The following LEKR1 variants were observed in gnomAD, a reference collection of about 807,000 sequenced individuals.
The protein encoded by LEKR1 is leucine, glutamate and lysine rich 1, also known as protein LEKR1.
LEKR1 carries 59 observed loss-of-function variants against 72.4 expected under a neutral mutation model. The observed-to-expected ratio is 0.82, with a 90% confidence interval of 0.66 to 1.01. The LOEUF is 1.01. LEKR1 is among the 50% of genes least tolerant of loss of function. The pLI, the probability that LEKR1 is intolerant of heterozygous loss-of-function variation, is 0.00. For synonymous variants in LEKR1, 257 were observed against 263.2 expected, an observed-to-expected ratio of 0.98 and a Z score of 0.23; for missense variants, 728 against 759.2, an observed-to-expected ratio of 0.96 and a Z score of 0.48.
intron 2 of LEKR1, among the ~76,000 whole-genome samples, chr3:156,833,106 T>C (rs1423869072): frequency 1.3e-5 from 2 of 152,214 alleles, no homozygotes; most frequent in African/African-American, 2.4e-5. Flanking sequence ...AAAGTTGTTA[T>C]GTGTTTTGAC....
At chr3:156,847,545 A>G (rs928374550) in intron 2 of LEKR1, among the ~76,000 whole-genome samples, 3 of 152,226 alleles carry the variant, frequency 2.0e-5, no homozygotes, top group African/African-American at 7.2e-5. Context: ...TGGGAACATA[A>G]TTACAGTATT....
intron 10 of LEKR1, among the ~76,000 whole-genome samples, chr3:157,021,464 T>G (rs1733832173): frequency 6.6e-6 from 1 of 152,194 alleles, no homozygotes; most frequent in Non-Finnish European, 1.5e-5. Context: ...GTATAAGGTG[T>G]AAGGAAGGGA....
chr3:156,955,853 T>A (rs1727581477), intron 6 of LEKR1, among the ~76,000 whole-genome samples: 1 of 151,768 alleles, frequency 6.6e-6, no homozygotes, highest in African/African-American at 2.4e-5. Context: ...CTGCCAGGTT[T>A]GGCTATTAGG....
At chr3:156,944,522 A>G (rs1726512015) in intron 6 of LEKR1, among the ~76,000 whole-genome samples, 1 of 151,578 alleles carries the variant, frequency 6.6e-6, no homozygotes, top group Non-Finnish European at 1.5e-5. Flanking sequence ...CTAACCATAT[A>G]TTTGTACCCA....
At chr3:157,011,899 G>A (rs1200245976) in intron 10 of LEKR1, among the ~76,000 whole-genome samples, 2 of 151,818 alleles carry the variant, frequency 1.3e-5, no homozygotes, top group South Asian at 2.1e-4. Flanking sequence ...AAATGTTTTA[G>A]AATTATTTGG....
chr3:156,970,756 A>G (rs1193454261), intron 6 of LEKR1, among the ~76,000 whole-genome samples: 2 of 152,172 alleles, frequency 1.3e-5, no homozygotes, highest in Admixed American at 6.5e-5. Context: ...CAAAGAGAAT[A>G]AAATACCTAG....
intron 2 of LEKR1, among the ~76,000 whole-genome samples, chr3:156,838,289 G>C (rs1242653902): frequency 1.3e-5 from 2 of 152,138 alleles, no homozygotes; most frequent in Non-Finnish European, 2.9e-5. Flanking sequence ...CAGTCTCCTG[G>C]GCTTTCATCA....
chr3:156,888,364 G>T lies in LEKR1; in HGVS notation c.264-32211G>T, dbSNP rs990984007. ...TTGCCAGCTGAAAGAACGAATGCCA[G>T]ATCTACAACATTCTGTCACTGAGCC... On this transcript the variant is annotated intron_variant, in intron 3 of 12. Coordinates refer to ENST00000356539, the MANE Select transcript of LEKR1 (RefSeq NM_001004316.3). The T allele has an allele frequency of 4.3e-6, 3 of 702,202 alleles. No homozygotes were observed. In the African/African-American group the frequency reaches 5.2e-5, roughly 12 times the overall value. The allele number at this position is 702,202 out of a possible 1,614,324, so 43.5% of individuals were successfully genotyped here.
chr3:156,937,076 A>G (rs1473186346), intron 5 of LEKR1, among the ~76,000 whole-genome samples: 1 of 152,090 alleles, frequency 6.6e-6, no homozygotes, highest in East Asian at 1.9e-4. Context: ...CAGGAGTTTG[A>G]GGCTGCTGTG....
intron 6 of LEKR1, among the ~76,000 whole-genome samples, chr3:156,955,318 C>G (rs1424055084): frequency 1.3e-5 from 2 of 151,886 alleles, no homozygotes; most frequent in African/African-American, 4.8e-5. Flanking sequence ...TCTTATTTTC[C>G]TATTTGGATA....
At chr3:156,888,663 C>G (rs141521136) in intron 3 of LEKR1, among the ~76,000 whole-genome samples, 166 of 152,268 alleles carry the variant, frequency 1.1e-3, no homozygotes, top group Non-Finnish European at 1.2e-3. Context: ...TTTCTCTAAC[C>G]TTTTGCGTTT....
chr3:157,007,212 T>TAATA (rs1553827958), intron 9 of LEKR1, among the ~76,000 whole-genome samples: 7 of 151,584 alleles, frequency 4.6e-5, no homozygotes, highest in South Asian at 2.1e-4. Context: ...AAAATAATAA[T>TAATA]AATAAATAAA....
chr3:156,984,773 T>TTACATTTTAA lies in LEKR1; in HGVS notation c.827+5500_827+5509dup, dbSNP rs1730533364. Among the ~76,000 whole-genome samples, 3 of 152,044 alleles carry TTACATTTTAA rather than the reference T, an allele frequency of 2.0e-5. No homozygotes were observed. The East Asian group carries it at 5.8e-4, about 29-fold the overall frequency. ...TTTTCTAAGCAAGCTAACACAGGAC[T>TTACATTTTAA]TACATTTTAATTTCATTAACAGTCA... On this transcript the variant is annotated intron_variant, in intron 7 of 12. Transcript: ENST00000356539.
In LEKR1 at chr3:157,010,879, C is replaced by T. The variant is rs571784972; in HGVS notation, c.1110-534C>T. Among the ~76,000 whole-genome samples the T allele has an allele frequency of 5.3e-5, 8 of 152,046 alleles. No individual in the cohort carries two copies. In the South Asian group the frequency reaches 8.3e-4, roughly 16 times the overall value. On this transcript the variant is annotated intron_variant, in intron 9 of 12. Coordinates refer to ENST00000356539, the MANE Select transcript of LEKR1 (RefSeq NM_001004316.3). The stretch of plus-strand genomic sequence containing the variant: ...TATGTTTTATGCTATATTGCATCCC[C>T]GACATCACACATCTCTCTACTTAAT...
chr3:157,023,557 A>G (rs549275538), intron 10 of LEKR1, among the ~76,000 whole-genome samples: 5 of 152,078 alleles, frequency 3.3e-5, no homozygotes, highest in Non-Finnish European at 5.9e-5. Flanking sequence ...CTCTCCACTG[A>G]CTGTTAAATT....
At chr3:156,968,507 C>G (rs1244471603) in intron 6 of LEKR1, among the ~76,000 whole-genome samples, 1 of 152,132 alleles carries the variant, frequency 6.6e-6, no homozygotes, top group Non-Finnish European at 1.5e-5. Flanking sequence ...TTTAAACCAA[C>G]AAAGATCAAA....
intron 5 of LEKR1, among the ~76,000 whole-genome samples, chr3:156,941,173 T>C (rs1200178033): frequency 6.6e-6 from 1 of 152,112 alleles, no homozygotes; most frequent in African/African-American, 2.4e-5. Context: ...ATCATTAGAC[T>C]ATATTAGAAT....
intron 6 of LEKR1, among the ~76,000 whole-genome samples, chr3:156,969,287 G>A (rs1040519427): frequency 6.6e-6 from 1 of 152,128 alleles, no homozygotes; most frequent in African/African-American, 2.4e-5. Flanking sequence ...AGAACTGAAG[G>A]AAGTAGAGAC....
intron 10 of LEKR1, among the ~76,000 whole-genome samples, chr3:157,014,393 G>A (rs1733142563): frequency 6.6e-6 from 1 of 152,054 alleles, no homozygotes; most frequent in Admixed American, 6.6e-5. Flanking sequence ...GAGTGAAAAT[G>A]CAGGTGAGAA....
Sources: allele counts gnomAD v4.1 joint callset (sites outside exome capture counted in the v4.1 genomes callset), GRCh38; gene constraint gnomAD v4.1.1; transcripts MANE v1.5; gene names NCBI Gene and HGNC (gene_info 2026-07-23, HGNC 2026-07-21).